Variants in CCDC39 observed in about 807,000 individuals in gnomAD.
CCDC39 encodes coiled-coil domain-containing protein 39.
In CCDC39, 113 loss-of-function variants were observed where a neutral mutation model predicts 121.0. That is an observed-to-expected ratio of 0.93 (90% CI 0.80 to 1.09). CCDC39 has a LOEUF of 1.09. Among genes scored for constraint, CCDC39 ranks in the 50% least tolerant of loss-of-function variants. The pLI is 0.00. For synonymous variants in CCDC39, 349 were observed against 352.2 expected, an observed-to-expected ratio of 0.99 and a Z score of 0.10; for missense variants, 1,063 against 1,074.7, an observed-to-expected ratio of 0.99 and a Z score of 0.15.
intron 16 of CCDC39, among the ~76,000 whole-genome samples, chr3:180,618,855 A>G (rs969314990): frequency 2.0e-5 from 3 of 152,140 alleles, no homozygotes; most frequent in Non-Finnish European, 2.9e-5. Flanking sequence ...GTGAATAGAC[A>G]ATGCACATTC....
chr3:180,614,852 G>A lies in CCDC39; in HGVS notation c.*69C>T. 2 of 1,382,232 alleles carry A rather than the reference G, an allele frequency of 1.4e-6. No individual in the cohort carries two copies. The highest frequency in any genetic ancestry group is 2.0e-6 in the Non-Finnish European group (2 of 1,014,006). 85.6% of individuals were successfully genotyped at this position (1,382,232 alleles called of 1,614,324 possible). The stretch of plus-strand genomic sequence containing the variant: ...ACTTTCCACTAGATAAAATGTGTTG[G>A]GTCGTTTTGTATTTTAAAGTATATT... On this transcript the variant is annotated 3_prime_UTR_variant, in exon 20 of 20. Transcript: ENST00000476379.
At chr3:180,619,394 A>C (rs1464905985) in intron 15 of CCDC39, 29 bp from the exon 16 acceptor site, 1 of 1,041,922 alleles carries the variant, frequency 9.6e-7, no homozygotes, top group Non-Finnish European at 1.4e-6. Flanking sequence ...TTAGTTTAAA[A>C]TTTCAACATA....
chr3:180,616,790 A>G (rs1202266481), intron 17 of CCDC39, 36 bp downstream of exon 17: 2 of 1,597,222 alleles, frequency 1.3e-6, no homozygotes, highest in South Asian at 1.1e-5. Flanking sequence ...TCAAAAATGT[A>G]AATATGAAAG....
chr3:180,678,793 C>G (rs1712307407), intron 1 of CCDC39, among the ~76,000 whole-genome samples: 1 of 152,086 alleles, frequency 6.6e-6, no homozygotes, highest in Non-Finnish European at 1.5e-5. Flanking sequence ...TCATTCTTAC[C>G]GGGCTGTTCC....
intron 17 of CCDC39, 36 bp from the exon 18 acceptor site, chr3:180,616,731 T>C (rs1381703768): frequency 1.3e-6 from 2 of 1,573,178 alleles, no homozygotes; most frequent in Non-Finnish European, 1.7e-6. Context: ...TCTATAAACG[T>C]GTTTACCAGA....
rs2108438838 is a variant in CCDC39, at chr3:180,679,368, A to G, written c.13T>C (p.Phe5Leu). ...TCCTCCCAGTGCAGCTCAGCCAGGA[A>G]TTCGCTACTCATGACTGCAAACGGA... MSSE[F>L]LAELHWEDGF... Residue 5 changes from phenylalanine (F) to leucine (L), a missense_variant, in exon 1 of 20, where the codon TTC becomes CTC. By Grantham distance (22) the Phe-to-Leu change is conservative. Transcript: ENST00000476379. The surrounding 1 kb of genome is among the most constrained non-coding windows in gnomAD (Gnocchi z 4.0). 6.2e-7 allele frequency: 1 copy of G among 1,613,870 alleles called. No individual in the cohort carries two copies. The highest frequency in any genetic ancestry group is 2.2e-5 in the East Asian group (1 of 44,860).
intron 14 of CCDC39, among the ~76,000 whole-genome samples, chr3:180,629,386 G>A (rs190636746): frequency 4.6e-5 from 7 of 152,244 alleles, no homozygotes; most frequent in Non-Finnish European, 7.4e-5. Context: ...TATCACTTAC[G>A]TTACTATCAG....
intron 14 of CCDC39, among the ~76,000 whole-genome samples, chr3:180,620,892 T>A (rs543558388): frequency 6.6e-6 from 1 of 152,178 alleles, no homozygotes; most frequent in East Asian, 1.9e-4. Context: ...ATTAAGTAAT[T>A]TCTCATTATC....
In CCDC39 at chr3:180,615,025, C is replaced by T. The variant is rs1480455234; in HGVS notation, c.2722G>A (p.Glu908Lys). ...STSQSSIKVLELKFPASSSLV... is the reference protein window; with the variant it reads ...STSQSSIKVLKLKFPASSSLV... Reference sequence around the variant, plus strand: ...GAAGAGGAGGCCGGGAATTTAAGCTCCAGTACTTTAATTGAAGACTGAGAA... The same window carrying T: ...GAAGAGGAGGCCGGGAATTTAAGCTTCAGTACTTTAATTGAAGACTGAGAA... Residue 908 changes from glutamate to lysine, a missense_variant, in exon 20 of 20, where the codon GAG (glutamate) becomes AAG (lysine). By Grantham distance (56) the Glu-to-Lys change is moderately conservative (BLOSUM62 1). Transcript: ENST00000476379. 1 of 1,557,616 alleles carries T rather than the reference C, an allele frequency of 6.4e-7. No homozygotes were observed. The highest frequency in any genetic ancestry group is 1.2e-5 in the South Asian group (1 of 83,656).
In CCDC39 at chr3:180,679,105, A is replaced by T. The variant is rs934627946; in HGVS notation, c.90+186T>A. On this transcript the variant is annotated intron_variant, in intron 1 of 19. Transcript: ENST00000476379. The surrounding 1 kb of genome is among the most constrained non-coding windows in gnomAD (Gnocchi z 4.0). Reference sequence around the variant, plus strand: ...CAATTATGGTTTTAATAGCATTTTTAAATGCTTAACAATTACTGAAATAGG... The same window carrying T: ...CAATTATGGTTTTAATAGCATTTTTTAATGCTTAACAATTACTGAAATAGG... Among the ~76,000 whole-genome samples, 1 of 152,130 alleles carries T rather than the reference A, an allele frequency of 6.6e-6. No individual in the cohort carries two copies. The highest frequency in any genetic ancestry group is 6.5e-5 in the Admixed American group (1 of 15,280).
At chr3:180,633,145 A>G (rs917872207) in intron 13 of CCDC39, among the ~76,000 whole-genome samples, 2 of 152,218 alleles carry the variant, frequency 1.3e-5, no homozygotes, top group African/African-American at 4.8e-5. Flanking sequence ...GCACGAGCCT[A>G]CAATCAGCCC....
At position 180,647,120 on chromosome 3, in the gene CCDC39, A is replaced by AT. The variant is rs751239231; in HGVS notation, c.1485dup (p.Ser496IlefsTer15). ...TGTGTTTCCAAAAGGCCACATGTAG[A>AT]TTTTTTCTCTTCCAAAGACTTCCTA... is the stretch of plus-strand genomic sequence containing the variant. On this transcript the variant is annotated frameshift_variant, in exon 11 of 20. Transcript: ENST00000476379. LOFTEE classifies it high-confidence loss of function. The AT allele has an allele frequency of 6.2e-7, 1 of 1,609,458 alleles. No homozygotes were observed. Among genetic ancestry groups the AT allele is most frequent in the East Asian group, 2.2e-5 (1 of 44,746 alleles).
intron 7 of CCDC39, among the ~76,000 whole-genome samples, chr3:180,652,717 G>A (rs1711509139): frequency 6.6e-6 from 1 of 151,922 alleles, no homozygotes; most frequent in African/African-American, 2.4e-5. Context: ...TATTTAAACA[G>A]AAAATCTAAG....
At position 180,644,164 on chromosome 3, in the gene CCDC39, C is replaced by G. The variant is rs764908281; in HGVS notation, c.1621G>C (p.Asp541His). The G allele has an allele frequency of 1.6e-5, 24 of 1,543,718 alleles. No homozygotes were observed. Among genetic ancestry groups the G allele is most frequent in the Non-Finnish European group, 2.0e-5 (23 of 1,143,720 alleles). The change falls in exon 12 of 20, where the codon GAC (aspartate) becomes CAC (histidine). Residue 541 changes from aspartate (D) to histidine (H), a missense_variant. Asp to His is a moderately conservative substitution (Grantham distance 81). Coordinates refer to ENST00000476379, the MANE Select transcript of CCDC39 (RefSeq NM_181426.2). The stretch of plus-strand genomic sequence containing the variant: ...TTATCAAGTTCTTTCTCTGATCTGT[C>G]GATGAAAAGGTTTAGTTCATTTATT... ...TKINELNLFI[D>H]RSEKELDKAK...
intron 1 of CCDC39, among the ~76,000 whole-genome samples, chr3:180,673,036 A>T (rs1263700737): frequency 6.6e-6 from 1 of 152,240 alleles, no homozygotes; most frequent in East Asian, 1.9e-4. Flanking sequence ...GAGCCTGAAG[A>T]TGTGACTGAA....
chr3:180,620,724 T>C (rs1294669962), intron 14 of CCDC39, among the ~76,000 whole-genome samples: 1 of 152,124 alleles, frequency 6.6e-6, no homozygotes, highest in African/African-American at 2.4e-5. Context: ...TAGATGTATG[T>C]ATTTAAACCT....
intron 1 of CCDC39, among the ~76,000 whole-genome samples, chr3:180,667,811 A>G (rs1292846775): frequency 2.0e-5 from 3 of 152,226 alleles, no homozygotes; most frequent in Non-Finnish European, 4.4e-5. Flanking sequence ...TGCACCAAAC[A>G]ATTAACTAAG....
At chr3:180,634,832 A>T (rs1283566343) in intron 13 of CCDC39, among the ~76,000 whole-genome samples, 2 of 152,206 alleles carry the variant, frequency 1.3e-5, no homozygotes, top group African/African-American at 2.4e-5. Flanking sequence ...TACCCCTGTG[A>T]AACCAAAGAT....
rs543530834 is a variant in CCDC39 at position 180,665,581 on chromosome 3, T to A, written c.91-1595A>T. ...TCCCTCTCGTTTCCTGTTCTTTTTT[T>A]AAAAAGTTATTAAAATGAGTTCTTA... is the stretch of plus-strand genomic sequence containing the variant. On this transcript the variant is annotated intron_variant, in intron 1 of 19. Coordinates refer to ENST00000476379, the MANE Select transcript of CCDC39 (RefSeq NM_181426.2). 9.2e-5 allele frequency among the ~76,000 whole-genome samples: 14 copies of A among 152,198 alleles called. No individual in the cohort carries two copies. In the South Asian group the frequency reaches 2.1e-3, roughly 23 times the overall value.
Sources: gnomAD v4.1 joint callset for allele counts (sites outside exome capture counted in the v4.1 genomes callset) on GRCh38, gnomAD v4.1.1 for gene constraint, Gnocchi (gnomAD v3.1) non-coding constraint, MANE v1.5 for transcripts, NCBI Gene and HGNC (gene_info 2026-07-23, HGNC 2026-07-21) for gene names.